NOX3: variants seen among roughly 807,000 people sequenced by gnomAD.
NOX3 encodes the protein NADPH oxidase catalytic subunit-like 3.
A neutral mutation model predicts 76.7 loss-of-function variants in NOX3; 74 were observed. That is an observed-to-expected ratio of 0.96 (90% CI 0.80 to 1.17). The LOEUF (loss-of-function observed/expected upper bound fraction) is 1.17, where lower values mean the gene tolerates loss of function less well. NOX3 is among the 50% of genes most tolerant of loss of function. NOX3 has a pLI of 0.00. For synonymous variants in NOX3, 263 were observed against 261.1 expected (o/e 1.01, Z -0.07); for missense variants, 695 against 703.3 (o/e 0.99, Z 0.13).
At chr6:155,442,548 C>A (rs148116476) in intron 5 of NOX3, among the ~76,000 whole-genome samples, 37 of 152,342 alleles carry the variant, frequency 2.4e-4, no homozygotes, top group Middle Eastern at 3.4e-3. Context: ...GGTCAACGTG[C>A]TGCACACATA....
At chr6:155,399,106 C>T (rs764658275) in intron 12 of NOX3, among the ~76,000 whole-genome samples, 3 of 152,166 alleles carry the variant, frequency 2.0e-5, no homozygotes, top group Admixed American at 1.3e-4. Flanking sequence ...ATGGATCAGG[C>T]GAGACCCTTC....
intron 10 of NOX3, among the ~76,000 whole-genome samples, chr6:155,419,988 T>C (rs1263277985): frequency 6.6e-6 from 1 of 152,184 alleles, no homozygotes; most frequent in Non-Finnish European, 1.5e-5. Context: ...ATTTATTCAA[T>C]ATTTTTACTA....
At chr6:155,406,569 T>C (rs1776463872) in intron 12 of NOX3, among the ~76,000 whole-genome samples, 1 of 152,230 alleles carries the variant, frequency 6.6e-6, no homozygotes, top group South Asian at 2.1e-4. Flanking sequence ...CATGCATTCA[T>C]TAATTTTATC....
rs549242212 is a variant in NOX3 at position 155,436,709 on chromosome 6, A to G, written c.669-162T>C. ...TCATTCATTTCCCCCAGCTTCTTTAAAAATAAGCATTTAAGAAGCTTCGAG... is the reference window on the plus strand; with the variant it reads ...TCATTCATTTCCCCCAGCTTCTTTAGAAATAAGCATTTAAGAAGCTTCGAG... On this transcript the variant is annotated intron_variant, in intron 6 of 13. Transcript: ENST00000159060. 4.8e-4 allele frequency among the ~76,000 whole-genome samples: 73 copies of G among 152,324 alleles called. 1 individual carries two copies. In the South Asian group the frequency reaches 0.015, roughly 30 times the overall value.
chr6:155,397,182 G>A (rs1779150923), intron 12 of NOX3, among the ~76,000 whole-genome samples: 1 of 152,078 alleles, frequency 6.6e-6, no homozygotes, highest in Non-Finnish European at 1.5e-5. Flanking sequence ...GGGAGGTGGA[G>A]CCAAGAAGAC....
chr6:155,445,997 A>T (rs865953846), intron 4 of NOX3, among the ~76,000 whole-genome samples: 12 of 65,552 alleles, frequency 1.8e-4, no homozygotes, highest in African/African-American at 2.4e-4. Flanking sequence ...ATATATATAT[A>T]ATATATATAT....
intron 4 of NOX3, among the ~76,000 whole-genome samples, chr6:155,451,843 G>C (rs1340758887): frequency 6.6e-6 from 1 of 152,052 alleles, no homozygotes; most frequent in Non-Finnish European, 1.5e-5. Flanking sequence ...GCCCAGGCTG[G>C]TCTCGAACTT....
intron 10 of NOX3, among the ~76,000 whole-genome samples, chr6:155,422,263 G>T (rs766818310): frequency 8.5e-5 from 13 of 152,140 alleles, no homozygotes; most frequent in Admixed American, 6.5e-5. Context: ...CAGCAAGCCG[G>T]CCAATAAATC....
intron 4 of NOX3, among the ~76,000 whole-genome samples, chr6:155,449,114 T>C (rs1777101985): frequency 6.6e-6 from 1 of 152,180 alleles, no homozygotes; most frequent in Non-Finnish European, 1.5e-5. Context: ...TTTGTGCCTT[T>C]AGGGCTATTC....
intron 6 of NOX3, among the ~76,000 whole-genome samples, chr6:155,438,068 T>C (rs774222384): frequency 2.0e-5 from 3 of 152,202 alleles, no homozygotes; most frequent in Non-Finnish European, 4.4e-5. Flanking sequence ...CTTGTGCTTC[T>C]ACAATGCACC....
chr6:155,423,744 T>A (rs1435265902), intron 9 of NOX3, among the ~76,000 whole-genome samples: 1 of 130,816 alleles, frequency 7.6e-6, no homozygotes, highest in Non-Finnish European at 1.6e-5. Flanking sequence ...TTTCTTTTTC[T>A]TTTTTTTTTT....
intron 4 of NOX3, among the ~76,000 whole-genome samples, chr6:155,446,436 C>T (rs1777065707): frequency 6.6e-6 from 1 of 152,170 alleles, no homozygotes; most frequent in South Asian, 2.1e-4. Flanking sequence ...ACAACAGACA[C>T]TGTTGTAAAT....
intron 9 of NOX3, among the ~76,000 whole-genome samples, chr6:155,426,020 G>C (rs1049212398): frequency 2.6e-5 from 4 of 152,156 alleles, no homozygotes; most frequent in South Asian, 4.1e-4. Flanking sequence ...GCAGTAAAAA[G>C]ATATAGTGCT....
At chr6:155,450,384 T>C (rs1777118489) in intron 4 of NOX3, among the ~76,000 whole-genome samples, 2 of 152,228 alleles carry the variant, frequency 1.3e-5, no homozygotes, top group South Asian at 4.1e-4. Context: ...TGCTCATGAC[T>C]CCCTGAACAA....
chr6:155,399,099 G>T (rs1779177910), intron 12 of NOX3, among the ~76,000 whole-genome samples: 1 of 152,192 alleles, frequency 6.6e-6, no homozygotes, highest in Non-Finnish European at 1.5e-5. Flanking sequence ...ATGGTAGATG[G>T]ATCAGGCGAG....
chr6:155,406,306 A>G (rs1776456162), intron 12 of NOX3, among the ~76,000 whole-genome samples: 2 of 152,208 alleles, frequency 1.3e-5, no homozygotes, highest in Admixed American at 1.3e-4. Context: ...CATATTTTTC[A>G]ATGGGGTGCG....
At chr6:155,410,296 A>AGTGTGTGTGTGTGTGT (rs142349696) in intron 11 of NOX3, among the ~76,000 whole-genome samples, 198 of 149,456 alleles carry the variant, frequency 1.3e-3, no homozygotes, top group African/African-American at 4.6e-3. Flanking sequence ...CTATAAGGCC[A>AGTGTGTGTGTGTGTGT]GTGTGTGTGT....
Position 155,436,454 on chromosome 6 carries a change from T to C in NOX3, c.762A>G (p.Gln254=), listed in dbSNP as rs371963780. ...TGCCAGAAAATTGAGGCACGGGGCA[T>C]TGGGCCACTGTCTGCCATTCTGCAT... ...DRYAEWQTVA[Q]CPVPQFSGKE... The change falls in exon 7 of 14, where the codon CAA becomes CAG. Residue 254 remains glutamine, a synonymous_variant. Transcript: ENST00000159060. The C allele has an allele frequency of 4.3e-5, 69 of 1,614,050 alleles. No homozygotes were observed. Among genetic ancestry groups the C allele is most frequent in the Non-Finnish European group, 5.8e-5 (68 of 1,180,016 alleles).
At chr6:155,426,761 C>A (rs1335332988) in intron 9 of NOX3, among the ~76,000 whole-genome samples, 1 of 152,080 alleles carries the variant, frequency 6.6e-6, no homozygotes, top group Non-Finnish European at 1.5e-5. Context: ...GCTGGCGATG[C>A]ACTCCATAGG....
Sources: allele counts gnomAD v4.1 joint callset (sites outside exome capture counted in the v4.1 genomes callset), GRCh38; gene constraint gnomAD v4.1.1; transcripts MANE v1.5; gene names NCBI Gene and HGNC (gene_info 2026-07-23, HGNC 2026-07-21).